The following ERMP1 variants were observed in gnomAD, a reference collection of about 807,000 sequenced individuals.
The protein encoded by ERMP1 is Felix-ina.
Under a neutral mutation model 92.0 loss-of-function variants are expected in ERMP1, and 86 were observed. The observed-to-expected ratio is 0.93, with a 90% CI of 0.79 to 1.12. The LOEUF is 1.12. Ranked by LOEUF, ERMP1 falls within the 50% of genes most tolerant of loss-of-function variation. The pLI is 0.00. For synonymous variants in ERMP1, 530 were observed against 412.8 expected (o/e 1.28, Z -3.44); for missense variants, 1,342 against 1,116.3 (o/e 1.20, Z -2.88).
intron 8 of ERMP1, among the ~76,000 whole-genome samples, chr9:5,809,574 T>C (rs1040705834): frequency 6.6e-6 from 1 of 152,226 alleles, no homozygotes; most frequent in African/African-American, 2.4e-5. Context: ...CAACAAATAC[T>C]TGCTGTGTGT....
chr9:5,797,788 AGGG>A, intron 13 of ERMP1, 26 bp downstream of exon 13: 1 of 1,318,370 alleles, frequency 7.6e-7, no homozygotes, highest in Admixed American at 2.0e-5. Flanking sequence ...GAAATAAAGG[AGGG>A]GAGAAAAAAC....
intron 5 of ERMP1, among the ~76,000 whole-genome samples, chr9:5,865,603 C>T (rs907992529): frequency 1.3e-5 from 2 of 151,600 alleles, no homozygotes; most frequent in Admixed American, 6.6e-5. Context: ...CAGGCCGAGG[C>T]AAGCGGATCA....
intron 6 of ERMP1, among the ~76,000 whole-genome samples, chr9:5,838,465 C>T (rs1196900650): frequency 6.6e-6 from 1 of 151,468 alleles, no homozygotes; most frequent in Non-Finnish European, 1.5e-5. Flanking sequence ...GGATCGCTTC[C>T]AGGAGGTCAA....
intron 10 of ERMP1, among the ~76,000 whole-genome samples, chr9:5,803,264 C>T (rs1367920533): frequency 6.6e-6 from 1 of 152,178 alleles, no homozygotes. Context: ...AGAGTGATAA[C>T]TCATGGCATC....
intron 1 of ERMP1, 191 bp downstream of exon 1, chr9:5,832,498 AG>A: frequency 2.1e-6 from 1 of 485,000 alleles, no homozygotes; most frequent in Non-Finnish European, 3.6e-6. Flanking sequence ...GGGACAGGCA[AG>A]CCCCAAGTCC....
At chr9:5,844,701 A>G (rs1830213755) in intron 6 of ERMP1, among the ~76,000 whole-genome samples, 1 of 152,206 alleles carries the variant, frequency 6.6e-6, no homozygotes, top group Non-Finnish European at 1.5e-5. Flanking sequence ...AAGCCTGGGC[A>G]TACCTCCTGC....
At chr9:5,836,240 T>C (rs529677859), upstream of ERMP1, among the ~76,000 whole-genome samples, 2 of 152,238 alleles carry the variant, frequency 1.3e-5, no homozygotes, top group African/African-American at 4.8e-5. Flanking sequence ...GGTCATTCCA[T>C]AGCCAATTTG....
At chr9:5,858,660 TAA>T (rs1361497353) in intron 6 of ERMP1, among the ~76,000 whole-genome samples, 2 of 152,206 alleles carry the variant, frequency 1.3e-5, no homozygotes, top group East Asian at 3.9e-4. Flanking sequence ...AAGCTTAAGG[TAA>T]AAGTGTGGGG....
At chr9:5,832,101 A>G (rs536934867) in intron 1 of ERMP1, among the ~76,000 whole-genome samples, 132 of 151,752 alleles carry the variant, frequency 8.7e-4, no homozygotes, top group African/African-American at 3.2e-3. Flanking sequence ...AAAAAAAAAA[A>G]GTCAAACCTT....
chr9:5,814,192 A>T (rs1351358653), intron 4 of ERMP1, among the ~76,000 whole-genome samples: 2 of 152,168 alleles, frequency 1.3e-5, no homozygotes, highest in African/African-American at 2.4e-5. Flanking sequence ...CTTCTCCTTC[A>T]GCCTGGATCC....
chr9:5,830,192 T>A (rs7042539), intron 2 of ERMP1, among the ~76,000 whole-genome samples: 143,324 of 151,656 alleles, frequency 0.95, 68,208 homozygotes, highest in South Asian at 1. Context: ...AAAACATGAG[T>A]TTTTTTTTTT....
chr9:5,812,490 T>A lies in ERMP1; in HGVS notation c.1022-273A>T, dbSNP rs570995391. 3.3e-5 allele frequency among the ~76,000 whole-genome samples: 5 copies of A among 152,312 alleles called. No homozygotes were observed. In the South Asian group the frequency reaches 1.0e-3, roughly 32 times the overall value. Reference sequence around the variant, plus strand: ...ACAGCAAGGATAGGAATATTGAGTTTGGGAGGTCATGAAAATTTTGCCACC... The same window carrying A: ...ACAGCAAGGATAGGAATATTGAGTTAGGGAGGTCATGAAAATTTTGCCACC... On this transcript the variant is annotated intron_variant, in intron 5 of 14. Coordinates refer to ENST00000339450, the MANE Select transcript of ERMP1 (RefSeq NM_024896.3).
In ERMP1 at chr9:5,832,647, G is replaced by C; in HGVS notation, c.338+43C>G. 3 of 1,348,174 alleles carry C rather than the reference G, an allele frequency of 2.2e-6. No individual in the cohort carries two copies. In the East Asian group the frequency reaches 9.3e-5, roughly 42 times the overall value. The allele number at this position is 1,348,174 out of a possible 1,614,324, so 83.5% of individuals were successfully genotyped here. On this transcript the variant is annotated intron_variant, in intron 1 of 14. Transcript: ENST00000339450. ...GTGCCCCGGAGCCTGCGCAGGAGCC[G>C]CAAACGGACGCGCGGGCCGTGCCAG...
intron 6 of ERMP1, among the ~76,000 whole-genome samples, chr9:5,855,297 G>A (rs998644813): frequency 1.6e-4 from 24 of 152,184 alleles, no homozygotes; most frequent in African/African-American, 5.8e-4. Flanking sequence ...ATGAACTGTG[G>A]ACATAGTCAC....
In ERMP1 at chr9:5,786,681, C is replaced by T. The variant is rs963708050; in HGVS notation, c.*463G>A. On this transcript the variant is annotated 3_prime_UTR_variant, in exon 15 of 15. Coordinates refer to ENST00000339450, the MANE Select transcript of ERMP1 (RefSeq NM_024896.3). ...GGCAATCACTTTCCAGTGACCTACA[C>T]AGAGTTATATTCTCAAGGGGAATCA... The T allele has an allele frequency of 2.1e-4, 33 of 160,846 alleles. No homozygotes were observed. The East Asian group carries it at 4.0e-3, about 20-fold the overall frequency. 10.0% of individuals were successfully genotyped at this position (160,846 alleles called of 1,614,324 possible). A position where few individuals can be genotyped will look rare whatever the true frequency, so the allele number is the denominator to read the frequency against.
In ERMP1 at chr9:5,811,270, C is replaced by T. The variant is rs753281616; in HGVS notation, c.1168G>A (p.Ala390Thr). Residue 390 changes from alanine to threonine, a missense_variant, in exon 7 of 15, where the codon GCT (alanine) becomes ACT (threonine). Coordinates refer to ENST00000339450, the MANE Select transcript of ERMP1 (RefSeq NM_024896.3). ...TTTCCATGTCGATACTTAGAAGCAGCAGCCAGCATATCAGATGTAGCTAGA... is the reference window on the plus strand; with the variant it reads ...TTTCCATGTCGATACTTAGAAGCAGTAGCCAGCATATCAGATGTAGCTAGA... The part of the protein sequence containing the change: ...KHLATSDMLA[A>T]ASKYRHGNMV... The T allele has an allele frequency of 1.9e-6, 3 of 1,613,094 alleles. No homozygotes were observed. Among genetic ancestry groups the T allele is most frequent in the Non-Finnish European group, 1.7e-6 (2 of 1,179,832 alleles).
At chr9:5,823,248 G>A (rs1482205725) in intron 4 of ERMP1, among the ~76,000 whole-genome samples, 8 of 152,014 alleles carry the variant, frequency 5.3e-5, no homozygotes, top group Non-Finnish European at 1.2e-4. Context: ...GTGCACTCGA[G>A]CCTGGGTGAC....
intron 7 of ERMP1, among the ~76,000 whole-genome samples, chr9:5,810,832 T>C (rs919757444): frequency 6.6e-6 from 1 of 152,216 alleles, no homozygotes; most frequent in Non-Finnish European, 1.5e-5. Context: ...GACTTTTTAA[T>C]GGGACTTTTC....
rs1376171363 is a variant in ERMP1 at position 5,787,042 on chromosome 9, T to C, written c.*102A>G. The stretch of plus-strand genomic sequence containing the variant: ...AGAAAGCTCTTTGAACATATGATCA[T>C]TAAAATTCATTGACTTACGTTACAA... On this transcript the variant is annotated 3_prime_UTR_variant, in exon 15 of 15. Transcript: ENST00000339450. 1.7e-6 allele frequency: 2 copies of C among 1,202,250 alleles called. No homozygotes were observed. The highest frequency in any genetic ancestry group is 2.3e-6 in the Non-Finnish European group (2 of 860,930). 74.5% of individuals were successfully genotyped at this position (1,202,250 alleles called of 1,614,324 possible).
Sources: gnomAD v4.1 joint callset for allele counts (sites outside exome capture counted in the v4.1 genomes callset) on GRCh38, gnomAD v4.1.1 for gene constraint, MANE v1.5 for transcripts, NCBI Gene and HGNC (gene_info 2026-07-23, HGNC 2026-07-21) for gene names.